Variants in CACUL1 observed in about 807,000 individuals in gnomAD.
CACUL1 encodes the protein CDK2-associated and cullin domain-containing protein 1.
Under a neutral mutation model 45.2 loss-of-function variants are expected in CACUL1, and 13 were observed. The ratio of observed to expected loss-of-function variants is 0.29; its 90% confidence interval spans 0.19 to 0.46. CACUL1 has a LOEUF of 0.46. CACUL1 is among the 20% of genes least tolerant of loss of function. The probability of loss-of-function intolerance (pLI) is 1.00; values close to 1 mark genes in which losing one functional copy is unlikely to be tolerated. For missense variants in CACUL1, 421 were observed against 471.4 expected, an observed-to-expected ratio of 0.89 and a Z score of 0.99; for synonymous variants, 197 against 174.2, an observed-to-expected ratio of 1.13 and a Z score of -1.03.
At chr10:118,735,852 A>G (rs1241459425) in intron 1 of CACUL1, among the ~76,000 whole-genome samples, 2 of 152,176 alleles carry the variant, frequency 1.3e-5, no homozygotes, top group Admixed American at 1.3e-4. Flanking sequence ...AGCCAAATTT[A>G]AAAGGCTAAA....
intron 1 of CACUL1, among the ~76,000 whole-genome samples, chr10:118,747,496 T>A (rs1845854957): frequency 8.4e-6 from 1 of 119,370 alleles, no homozygotes. Flanking sequence ...ACCTAAATGA[T>A]CAACCTAATG....
At chr10:118,714,028 A>G (rs1845518423) in intron 3 of CACUL1, among the ~76,000 whole-genome samples, 1 of 152,218 alleles carries the variant, frequency 6.6e-6, no homozygotes. Flanking sequence ...TCACCATCTT[A>G]TTTTTATAAA....
chr10:118,741,198 T>C (rs1056059927), intron 1 of CACUL1, among the ~76,000 whole-genome samples: 1 of 152,066 alleles, frequency 6.6e-6, no homozygotes, highest in African/African-American at 2.4e-5. Context: ...TTTGCATAAT[T>C]TGAGTTTTAA....
chr10:118,706,636 A>T (rs1462780599), intron 4 of CACUL1, among the ~76,000 whole-genome samples: 1 of 152,162 alleles, frequency 6.6e-6, no homozygotes, highest in Admixed American at 6.5e-5. Flanking sequence ...CTTTTTATAC[A>T]TTTCTTTCTT....
At chr10:118,711,663 TAC>T (rs2119599952) in intron 3 of CACUL1, among the ~76,000 whole-genome samples, 1 of 152,342 alleles carries the variant, frequency 6.6e-6, no homozygotes, top group African/African-American at 2.4e-5. Context: ...GATCAAAAAG[TAC>T]ATTTACAGCA....
At chr10:118,741,941 T>A (rs1158981397) in intron 1 of CACUL1, among the ~76,000 whole-genome samples, 1 of 152,144 alleles carries the variant, frequency 6.6e-6, no homozygotes, top group South Asian at 2.1e-4. Context: ...TGCAAGGAAG[T>A]CTCTTCCAGT....
At position 118,684,375 on chromosome 10, in the gene CACUL1, G is replaced by C. The variant is rs1277423447; in HGVS notation, c.*1753C>G. On this transcript the variant is annotated 3_prime_UTR_variant, in exon 9 of 9. Coordinates refer to ENST00000369151, the MANE Select transcript of CACUL1 (RefSeq NM_153810.5). The stretch of plus-strand genomic sequence containing the variant: ...GAGAAAAGTAAAATGTGAATGTCAT[G>C]ATGAATGGAATTCTCCTTGATACTA... 6.6e-6 allele frequency: 1 copy of C among 152,218 alleles called. No individual in the cohort carries two copies. The highest frequency in any genetic ancestry group is 1.5e-5 in the Non-Finnish European group (1 of 68,040). 9.4% of individuals were successfully genotyped at this position (152,218 alleles called of 1,614,324 possible). A position where few individuals can be genotyped will look rare whatever the true frequency, so the allele number is the denominator to read the frequency against.
chr10:118,690,851 G>A (rs1253701065), intron 7 of CACUL1, among the ~76,000 whole-genome samples: 1 of 152,148 alleles, frequency 6.6e-6, no homozygotes, highest in Non-Finnish European at 1.5e-5. Context: ...TTTGAAACCA[G>A]CCTGGCCAAC....
chr10:118,754,110 T>A (rs1845926802), intron 1 of CACUL1, among the ~76,000 whole-genome samples: 1 of 152,124 alleles, frequency 6.6e-6, no homozygotes, highest in Non-Finnish European at 1.5e-5. Flanking sequence ...GACTGCCAGT[T>A]GTGATAGGGA....
chr10:118,746,765 G>A (rs950603172), intron 1 of CACUL1, among the ~76,000 whole-genome samples: 5 of 152,148 alleles, frequency 3.3e-5, no homozygotes, highest in African/African-American at 1.2e-4. Context: ...AAAGAAATGA[G>A]CAAAAGATGT....
chr10:118,719,826 G>C (rs1014352600), intron 3 of CACUL1, among the ~76,000 whole-genome samples: 8 of 151,680 alleles, frequency 5.3e-5, no homozygotes, highest in African/African-American at 1.7e-4. Flanking sequence ...AAAAAAAAAG[G>C]AATTTCTTTC....
chr10:118,682,653 A>G lies in CACUL1; in HGVS notation c.*3475T>C, dbSNP rs1845165056. 6.6e-6 allele frequency: 1 copy of G among 152,670 alleles called. No homozygotes were observed. Among genetic ancestry groups the G allele is most frequent in the Non-Finnish European group, 1.5e-5 (1 of 68,042 alleles). 9.5% of individuals were successfully genotyped at this position (152,670 alleles called of 1,614,324 possible). The stretch of plus-strand genomic sequence containing the variant: ...AAATCCCTTGTTTGGTCAGTACAGA[A>G]TATTGCGAGGTGATGCTCATGCAAA... On this transcript the variant is annotated 3_prime_UTR_variant, in exon 9 of 9. Coordinates refer to ENST00000369151, the MANE Select transcript of CACUL1 (RefSeq NM_153810.5).
intron 1 of CACUL1, among the ~76,000 whole-genome samples, chr10:118,738,264 G>A (rs897987645): frequency 2.0e-5 from 3 of 152,200 alleles, no homozygotes; most frequent in African/African-American, 2.4e-5. Flanking sequence ...AAAAAGAACC[G>A]AGAAGGATTA....
chr10:118,724,102 T>G (rs1334049945), intron 3 of CACUL1, among the ~76,000 whole-genome samples: 2 of 152,162 alleles, frequency 1.3e-5, no homozygotes, highest in African/African-American at 2.4e-5. Flanking sequence ...GAATCAGGCT[T>G]TAGCAAATGA....
intron 1 of CACUL1, among the ~76,000 whole-genome samples, chr10:118,740,623 A>T (rs983361247): frequency 3.3e-5 from 5 of 151,210 alleles, no homozygotes; most frequent in African/African-American, 4.9e-5. Context: ...ATAAATAAAA[A>T]TTTTTTTAAA....
intron 6 of CACUL1, among the ~76,000 whole-genome samples, chr10:118,691,783 C>T (rs1845271015): frequency 7.1e-6 from 1 of 141,790 alleles, no homozygotes; most frequent in Admixed American, 7.5e-5. Flanking sequence ...AGGAGAATGG[C>T]GTGAACCTGG....
intron 3 of CACUL1, among the ~76,000 whole-genome samples, chr10:118,724,936 T>G (rs1444081537): frequency 2.0e-5 from 3 of 152,180 alleles, no homozygotes; most frequent in Admixed American, 2.0e-4. Context: ...AACAGGCAAG[T>G]GTAGGTCCTA....
intron 7 of CACUL1, among the ~76,000 whole-genome samples, chr10:118,690,301 C>T (rs1189705337): frequency 1.2e-5 from 1 of 83,206 alleles, no homozygotes; most frequent in East Asian, 2.8e-4. Context: ...GAGCGAGACT[C>T]CGTCTCAAAA....
At chr10:118,733,626 T>C (rs1589616315) in intron 1 of CACUL1, among the ~76,000 whole-genome samples, 1 of 152,352 alleles carries the variant, frequency 6.6e-6, no homozygotes, top group Admixed American at 6.5e-5. Context: ...CCTCAGAGTG[T>C]GTGTGTAATC....
Sources: allele counts gnomAD v4.1 joint callset (sites outside exome capture counted in the v4.1 genomes callset), GRCh38; gene constraint gnomAD v4.1.1; transcripts MANE v1.5; gene names NCBI Gene and HGNC (gene_info 2026-07-23, HGNC 2026-07-21).